Variants in SLC8A1 observed in about 807,000 individuals in gnomAD.
The protein encoded by SLC8A1 is solute carrier family 8 member A1, also known as sodium/calcium exchanger 1.
A neutral mutation model predicts 68.3 loss-of-function variants in SLC8A1; 18 were observed. The ratio of observed to expected loss-of-function variants is 0.26; its 90% CI spans 0.18 to 0.39. The LOEUF (loss-of-function observed/expected upper bound fraction) is 0.39, where lower values mean the gene tolerates loss of function less well. Ranked by LOEUF, SLC8A1 falls within the 10% of genes least tolerant of loss-of-function variation. The probability of loss-of-function intolerance (pLI) is 1.00; values close to 1 mark genes in which losing one functional copy is unlikely to be tolerated. For synonymous variants in SLC8A1, 475 were observed against 415.5 expected (o/e 1.14, Z -1.74); for missense variants, 985 against 1,156.7 (o/e 0.85, Z 2.15).
intron 2 of SLC8A1, among the ~76,000 whole-genome samples, chr2:40,376,894 C>T (rs907069919): frequency 1.3e-5 from 2 of 151,914 alleles, no homozygotes; most frequent in African/African-American, 4.8e-5. Flanking sequence ...TTATAATTAC[C>T]ATGCCCTCTA....
intron 1 of SLC8A1, among the ~76,000 whole-genome samples, chr2:40,474,555 A>G (rs552558700): frequency 3.0e-4 from 45 of 152,292 alleles, no homozygotes; most frequent in Non-Finnish European, 5.9e-4. Flanking sequence ...TTTTGGTACT[A>G]TTCTCAGAAA....
intron 2 of SLC8A1, among the ~76,000 whole-genome samples, chr2:40,414,401 T>A (rs1479998313): frequency 6.6e-6 from 1 of 152,180 alleles, no homozygotes; most frequent in South Asian, 2.1e-4. Context: ...CCCCAGCACA[T>A]TGGGACCAGT....
intron 2 of SLC8A1, among the ~76,000 whole-genome samples, chr2:40,418,029 A>T (rs1273543099): frequency 6.6e-6 from 1 of 152,190 alleles, no homozygotes; most frequent in Admixed American, 6.6e-5. Flanking sequence ...AATCAAAACC[A>T]GGTCGATTTA....
intron 2 of SLC8A1, among the ~76,000 whole-genome samples, chr2:40,377,709 A>G (rs1456190907): frequency 1.3e-5 from 2 of 152,106 alleles, no homozygotes; most frequent in African/African-American, 2.4e-5. Flanking sequence ...ATCACCGAGT[A>G]TGAGTGGGAG....
At chr2:40,304,481 C>G (rs1057384576) in intron 2 of SLC8A1, among the ~76,000 whole-genome samples, 1 of 152,132 alleles carries the variant, frequency 6.6e-6, no homozygotes, top group African/African-American at 2.4e-5. Flanking sequence ...CTGAGCCACC[C>G]AGACGATGGA....
chr2:40,231,694 C>T (rs947618784), intron 2 of SLC8A1, among the ~76,000 whole-genome samples: 2 of 152,092 alleles, frequency 1.3e-5, no homozygotes, highest in Non-Finnish European at 1.5e-5. Context: ...TCACATAAAT[C>T]GCACTTGGAA....
chr2:40,371,035 C>A (rs917320669), intron 2 of SLC8A1, among the ~76,000 whole-genome samples: 7 of 151,736 alleles, frequency 4.6e-5, no homozygotes, highest in Admixed American at 6.6e-5. Context: ...GGCTGTCTCT[C>A]TTACTTTCAG....
intron 2 of SLC8A1, among the ~76,000 whole-genome samples, chr2:40,218,793 A>G (rs2057883946): frequency 6.6e-6 from 1 of 151,738 alleles, no homozygotes; most frequent in Admixed American, 6.6e-5. Flanking sequence ...TCTATTTTAG[A>G]TTTCAGCAGG....
chr2:40,437,262 G>C (rs1576482035), intron 1 of SLC8A1, among the ~76,000 whole-genome samples: 1 of 152,082 alleles, frequency 6.6e-6, no homozygotes, highest in South Asian at 2.1e-4. Context: ...TCAAGATTTA[G>C]GTACTTAACC....
At chr2:40,467,516 C>A (rs1000269982) in intron 1 of SLC8A1, among the ~76,000 whole-genome samples, 10 of 152,112 alleles carry the variant, frequency 6.6e-5, no homozygotes, top group South Asian at 2.1e-4. Context: ...ACATTGGCAG[C>A]TGCTATTGTT....
chr2:40,465,045 G>GATA (rs1317885557), intron 1 of SLC8A1, among the ~76,000 whole-genome samples: 1 of 152,202 alleles, frequency 6.6e-6, no homozygotes, highest in Non-Finnish European at 1.5e-5. Flanking sequence ...TGAGAGGGTA[G>GATA]ATAATATCTC....
At chr2:40,275,636 C>A (rs1473600589) in intron 2 of SLC8A1, among the ~76,000 whole-genome samples, 1 of 152,146 alleles carries the variant, frequency 6.6e-6, no homozygotes, top group Non-Finnish European at 1.5e-5. Flanking sequence ...ACAGGCCTCT[C>A]TGTAGTCTGA....
chr2:40,361,378 G>A (rs1255420997), intron 2 of SLC8A1, among the ~76,000 whole-genome samples: 2 of 151,964 alleles, frequency 1.3e-5, no homozygotes, highest in African/African-American at 4.8e-5. Context: ...AAGATCAGTT[G>A]GGCACATGTG....
intron 2 of SLC8A1, among the ~76,000 whole-genome samples, chr2:40,251,936 A>C (rs1020986785): frequency 6.6e-6 from 1 of 151,544 alleles, no homozygotes; most frequent in South Asian, 2.1e-4. Flanking sequence ...TCAGTTCCCC[A>C]AAATGTTTAG....
chr2:40,114,851 T>C (rs1352775758), exon 8 of SLC8A1: 2 of 152,524 alleles, frequency 1.3e-5, no homozygotes, highest in African/African-American at 4.8e-5. Flanking sequence ...GGTTTCACTT[T>C]CCACAAAGAA....
chr2:40,142,367 G>T (rs2041732578), intron 6 of SLC8A1, among the ~76,000 whole-genome samples: 1 of 151,856 alleles, frequency 6.6e-6, no homozygotes, highest in South Asian at 2.1e-4. Flanking sequence ...GGCTGAGAAG[G>T]GTGCATATAC....
At chr2:40,426,375 C>G (rs552072150) in intron 2 of SLC8A1, among the ~76,000 whole-genome samples, 10 of 152,128 alleles carry the variant, frequency 6.6e-5, no homozygotes, top group African/African-American at 2.4e-4. Flanking sequence ...CCAATTCTCA[C>G]AAGAAATCTA....
intron 2 of SLC8A1, among the ~76,000 whole-genome samples, chr2:40,308,218 C>T (rs1232416114): frequency 6.6e-6 from 1 of 152,116 alleles, no homozygotes; most frequent in Non-Finnish European, 1.5e-5. Context: ...GTGGCAGTGA[C>T]ATTATCTTTC....
intron 2 of SLC8A1, among the ~76,000 whole-genome samples, chr2:40,182,997 A>T (rs2049918504): frequency 6.6e-6 from 1 of 152,210 alleles, no homozygotes; most frequent in African/African-American, 2.4e-5. Context: ...AGATGCTTAC[A>T]GTTGCTTTTT....
Sources: gnomAD v4.1 joint callset for allele counts (sites outside exome capture counted in the v4.1 genomes callset) on GRCh38, gnomAD v4.1.1 for gene constraint, MANE v1.5 for transcripts, NCBI Gene and HGNC (gene_info 2026-07-23, HGNC 2026-07-21) for gene names.